Variants in TTLL11 observed in about 807,000 individuals in gnomAD.
The protein encoded by TTLL11 is tubulin polyglutamylase TTLL11.
Under a neutral mutation model 51.7 loss-of-function variants are expected in TTLL11, and 42 were observed. The ratio of observed to expected loss-of-function variants is 0.81; its 90% CI spans 0.64 to 1.05. The LOEUF is 1.05. TTLL11 is among the 50% of genes least tolerant of loss of function. TTLL11 has a pLI of 0.00. For missense variants in TTLL11, 799 were observed against 940.4 expected (o/e 0.85, Z 1.97); for synonymous variants, 381 against 383.5 (o/e 0.99, Z 0.08).
intron 8 of TTLL11, among the ~76,000 whole-genome samples, chr9:121,826,529 G>GTATATATATA (rs1836794900): frequency 3.8e-5 from 1 of 26,308 alleles, no homozygotes; most frequent in Non-Finnish European, 7.3e-5. Context: ...ATATATATAT[G>GTATATATATA]TGTGTGTGTA....
intron 6 of TTLL11, among the ~76,000 whole-genome samples, chr9:121,954,054 C>A (rs1195552371): frequency 6.6e-6 from 1 of 152,216 alleles, no homozygotes; most frequent in Non-Finnish European, 1.5e-5. Context: ...ACCTTTGCAT[C>A]CACAGGACCC....
rs866167136 is a variant in TTLL11 at position 121,899,388 on chromosome 9, T to C, written c.1482-28640A>G. ...GTGTATATATATATACATATATATATATATATATATATATACACACACACA... is the reference window on the plus strand; with the variant it reads ...GTGTATATATATATACATATATATACATATATATATATATACACACACACA... On this transcript the variant is annotated intron_variant, in intron 6 of 8. Coordinates refer to ENST00000321582, the MANE Select transcript of TTLL11 (RefSeq NM_001139442.2). 2.7e-4 allele frequency among the ~76,000 whole-genome samples: 33 copies of C among 124,382 alleles called. 1 individual carries two copies. Among genetic ancestry groups the C allele is most frequent in the South Asian group, 1.7e-3 (6 of 3,448 alleles). The allele number at this position is 124,382 out of a possible 152,430, so 81.6% of individuals were successfully genotyped here.
At chr9:121,824,122 G>A (rs578219216) in intron 8 of TTLL11, among the ~76,000 whole-genome samples, 2 of 152,290 alleles carry the variant, frequency 1.3e-5, no homozygotes, top group African/African-American at 4.8e-5. Context: ...TTTACCAACA[G>A]TGCCACTAAT....
At chr9:121,900,644 T>C (rs1240854519) in intron 6 of TTLL11, among the ~76,000 whole-genome samples, 1 of 152,240 alleles carries the variant, frequency 6.6e-6, no homozygotes, top group Non-Finnish European at 1.5e-5. Context: ...TATTCTATCC[T>C]ACATTCTTAA....
chr9:122,040,886 A>C (rs972578482), intron 1 of TTLL11, among the ~76,000 whole-genome samples: 1 of 152,254 alleles, frequency 6.6e-6, no homozygotes, highest in African/African-American at 2.4e-5. Context: ...TTCAGTACTC[A>C]TAAATACAAT....
At chr9:121,823,458 A>G (rs1836646359) in intron 8 of TTLL11, among the ~76,000 whole-genome samples, 1 of 152,208 alleles carries the variant, frequency 6.6e-6, no homozygotes, top group African/African-American at 2.4e-5. Flanking sequence ...AGGCAGGAGA[A>G]TTATTTGAAC....
intron 3 of TTLL11, among the ~76,000 whole-genome samples, chr9:122,025,825 C>T (rs183705713): frequency 4.7e-4 from 71 of 152,254 alleles, no homozygotes; most frequent in Middle Eastern, 3.4e-3. Context: ...AACATGTCCA[C>T]GCAAAGACTT....
At chr9:122,025,368 C>G (rs1311143322) in intron 3 of TTLL11, among the ~76,000 whole-genome samples, 1 of 152,200 alleles carries the variant, frequency 6.6e-6, no homozygotes, top group Admixed American at 6.5e-5. Context: ...AGCAGTGGCT[C>G]ACGCCTGTAA....
In TTLL11 at chr9:121,826,513, A is replaced by ATGTG. The variant is rs756911109; in HGVS notation, c.1841-3635_1841-3634insCACA. On this transcript the variant is annotated intron_variant, in intron 8 of 8. Coordinates refer to ENST00000321582, the MANE Select transcript of TTLL11 (RefSeq NM_001139442.2). ...TATATATGTGTGTGTATATATATAT[A>ATGTG]TGTATATATATATATGTGTGTGTGT... is the stretch of plus-strand genomic sequence containing the variant. Among the ~76,000 whole-genome samples the ATGTG allele has an allele frequency of 7.7e-3, 686 of 89,118 alleles. 11 individuals carry two copies. The highest frequency in any genetic ancestry group is 0.012 in the Non-Finnish European group (580 of 49,598). The allele number at this position is 89,118 out of a possible 152,430, so 58.5% of individuals were successfully genotyped here. A position where few individuals can be genotyped will look rare whatever the true frequency, so the allele number is the denominator to read the frequency against.
chr9:121,872,929 A>C (rs1838408047), intron 6 of TTLL11, among the ~76,000 whole-genome samples: 1 of 152,238 alleles, frequency 6.6e-6, no homozygotes, highest in African/African-American at 2.4e-5. Flanking sequence ...CCTTGAACTT[A>C]AGACAGTAAA....
chr9:121,884,683 T>C (rs868035176), intron 6 of TTLL11: 2 of 152,000 alleles, frequency 1.3e-5, no homozygotes, highest in African/African-American at 4.8e-5. Flanking sequence ...TATGAACAAA[T>C]TTAGAGCCTA....
intron 6 of TTLL11, among the ~76,000 whole-genome samples, chr9:121,883,378 C>T (rs1244184726): frequency 2.0e-5 from 3 of 152,136 alleles, no homozygotes; most frequent in Non-Finnish European, 2.9e-5. Flanking sequence ...GAAATGGTAG[C>T]TGTTATATGA....
At chr9:122,065,203 GA>G (rs1845546963) in intron 1 of TTLL11, among the ~76,000 whole-genome samples, 1 of 152,184 alleles carries the variant, frequency 6.6e-6, no homozygotes, top group Non-Finnish European at 1.5e-5. Context: ...ATGGCTCCAG[GA>G]AACCTAAAAC....
intron 4 of TTLL11, among the ~76,000 whole-genome samples, chr9:121,978,642 A>G (rs1369104881): frequency 6.6e-6 from 1 of 152,184 alleles, no homozygotes; most frequent in Non-Finnish European, 1.5e-5. Context: ...ATCAGCAATT[A>G]TGTGTTGATC....
intron 6 of TTLL11, among the ~76,000 whole-genome samples, chr9:121,879,601 G>T (rs1431312959): frequency 1.3e-5 from 2 of 152,328 alleles, no homozygotes; most frequent in East Asian, 3.9e-4. Flanking sequence ...TTGAGGTGAG[G>T]CATCACACAG....
intron 8 of TTLL11, among the ~76,000 whole-genome samples, chr9:121,833,760 C>T (rs2119129117): frequency 6.6e-6 from 1 of 152,322 alleles, no homozygotes; most frequent in South Asian, 2.1e-4. Context: ...TTACAGTTTA[C>T]AGAGCACATT....
intron 6 of TTLL11, among the ~76,000 whole-genome samples, chr9:121,927,056 C>T (rs544212558): frequency 1.3e-5 from 2 of 152,306 alleles, no homozygotes; most frequent in East Asian, 3.9e-4. Flanking sequence ...AATCACCTCC[C>T]AAAGGCCCTA....
At chr9:121,972,979 G>A (rs1021180610) in intron 6 of TTLL11, among the ~76,000 whole-genome samples, 3 of 152,168 alleles carry the variant, frequency 2.0e-5, no homozygotes, top group Non-Finnish European at 4.4e-5. Context: ...ATTTGTCTGC[G>A]CTCATTAGGG....
chr9:121,894,849 G>GT (rs1168367025), intron 6 of TTLL11, among the ~76,000 whole-genome samples: 1 of 152,144 alleles, frequency 6.6e-6, no homozygotes, highest in African/African-American at 2.4e-5. Flanking sequence ...GTATACCTAT[G>GT]TAACAAACCT....
Sources: gnomAD v4.1 joint callset for allele counts (sites outside exome capture counted in the v4.1 genomes callset) on GRCh38, gnomAD v4.1.1 for gene constraint, MANE v1.5 for transcripts, NCBI Gene and HGNC (gene_info 2026-07-23, HGNC 2026-07-21) for gene names.